ABCC3: variants seen among roughly 807,000 people sequenced by gnomAD.
The protein encoded by ABCC3 is ATP-binding cassette sub-family C member 3.
A neutral mutation model predicts 165.3 loss-of-function variants in ABCC3; 121 were observed. That is an observed-to-expected ratio of 0.73 (90% CI 0.63 to 0.85). The LOEUF (loss-of-function observed/expected upper bound fraction) is 0.85, where lower values mean the gene tolerates loss of function less well. Among genes scored for constraint, ABCC3 ranks in the 40% least tolerant of loss-of-function variants. The pLI is 0.00. For missense variants in ABCC3, 1,869 were observed against 1,964.1 expected, an observed-to-expected ratio of 0.95 and a Z score of 0.92; for synonymous variants, 733 against 810.1, an observed-to-expected ratio of 0.90 and a Z score of 1.62.
intron 1 of ABCC3, among the ~76,000 whole-genome samples, chr17:50,652,045 C>A (rs1171209958): frequency 1.3e-5 from 2 of 152,170 alleles, no homozygotes; most frequent in Non-Finnish European, 2.9e-5. Context: ...GTCAGATGAG[C>A]TGCAAAAGTA....
Position 50,655,404 on chromosome 17 carries a change from C to CAAAAAAA in ABCC3, c.46-417_46-411dup, listed in dbSNP as rs58586394. ...CTGGCAACAGAGTGAGACTCTGTCTCAAAAAAAAAAAAAAAAACAAAAACA... is the reference window on the plus strand; with the variant it reads ...CTGGCAACAGAGTGAGACTCTGTCTCAAAAAAAAAAAAAAAAAAAAAAAACAAAAACA... On this transcript the variant is annotated intron_variant, in intron 1 of 30. Coordinates refer to ENST00000285238, the MANE Select transcript of ABCC3 (RefSeq NM_003786.4). Among the ~76,000 whole-genome samples, 47 of 56,470 alleles carry CAAAAAAA rather than the reference C, an allele frequency of 8.3e-4. 1 individual carries two copies. Among genetic ancestry groups the CAAAAAAA allele is most frequent in the South Asian group, 2.6e-3 (3 of 1,166 alleles). 37.0% of individuals were successfully genotyped at this position (56,470 alleles called of 152,430 possible). A position where few individuals can be genotyped will look rare whatever the true frequency, so the allele number is the denominator to read the frequency against.
At position 50,658,212 on chromosome 17, in the gene ABCC3, G is replaced by A; in HGVS notation, c.612+5G>A. 6.2e-7 allele frequency: 1 copy of A among 1,614,200 alleles called. No homozygotes were observed. The highest frequency in any genetic ancestry group is 8.5e-7 in the Non-Finnish European group (1 of 1,180,028). On this transcript the variant is annotated splice_donor_5th_base_variant and intron_variant, in intron 5 of 30. Transcript: ENST00000285238. ...TCCGCAAAGAATGTCGACCCTGTGAGTTTCCCATGGAGGGTGCGGGGGCTC... is the reference window on the plus strand; with the variant it reads ...TCCGCAAAGAATGTCGACCCTGTGAATTTCCCATGGAGGGTGCGGGGGCTC...
chr17:50,683,993 C>T lies in ABCC3; in HGVS notation c.3999C>T (p.Thr1333=). ...CTGGGGCTGGCAAGTCTTCCATGAC[C>T]CTTTGCCTGTTCCGCATCCTGGAGG... is the stretch of plus-strand genomic sequence containing the variant. ...GRTGAGKSSM[T]LCLFRILEAA... The change falls in exon 28 of 31, where the codon ACC becomes ACT. Residue 1333 remains threonine, a synonymous_variant. Transcript: ENST00000285238. 2.5e-6 allele frequency: 4 copies of T among 1,613,602 alleles called. No homozygotes were observed. Among genetic ancestry groups the T allele is most frequent in the Non-Finnish European group, 3.4e-6 (4 of 1,179,792 alleles).
chr17:50,656,855 T>C, intron 3 of ABCC3, 28 bp downstream of exon 3: 1 of 1,588,512 alleles, frequency 6.3e-7, no homozygotes, highest in Non-Finnish European at 8.5e-7. Context: ...GGAAAGTGGA[T>C]GGGGGAGGTC....
At chr17:50,643,922 G>A (rs893703500) in intron 1 of ABCC3, among the ~76,000 whole-genome samples, 18 of 152,242 alleles carry the variant, frequency 1.2e-4, no homozygotes, top group African/African-American at 4.3e-4. Flanking sequence ...AGGTTTGTGG[G>A]CATGAGGCAA....
intron 1 of ABCC3, among the ~76,000 whole-genome samples, chr17:50,653,354 A>G (rs1967151676): frequency 6.6e-6 from 1 of 151,484 alleles, no homozygotes. Context: ...CAAAAAAAAA[A>G]AAAAAAAAAG....
intron 26 of ABCC3, among the ~76,000 whole-genome samples, chr17:50,683,310 G>T (rs781250562): frequency 8.6e-5 from 13 of 150,570 alleles, no homozygotes; most frequent in Non-Finnish European, 1.6e-4. Context: ...GGAGTTCAAG[G>T]CTGCAATGAG....
chr17:50,664,191 G>C, intron 10 of ABCC3, 80 bp downstream of exon 10: 1 of 1,560,754 alleles, frequency 6.4e-7, no homozygotes, highest in Non-Finnish European at 8.7e-7. Flanking sequence ...CTGGAACTGG[G>C]AGCATGGCAC....
intron 1 of ABCC3, among the ~76,000 whole-genome samples, chr17:50,636,772 C>A (rs2146582018): frequency 6.6e-6 from 1 of 152,338 alleles, no homozygotes; most frequent in South Asian, 2.1e-4. Context: ...ATTCAGGACT[C>A]CCTTTTTGTC....
chr17:50,673,186 G>C (rs771177614), intron 18 of ABCC3, 48 bp downstream of exon 18: 48 of 1,603,592 alleles, frequency 3.0e-5, no homozygotes, highest in Non-Finnish European at 4.0e-5. Flanking sequence ...TCTGAGGCCC[G>C]AAGAGAGAGC....
Position 50,655,901 on chromosome 17 carries a change from T to C in ABCC3, c.115T>C (p.Trp39Arg). The change falls in exon 2 of 31, where the codon TGG becomes CGG. Residue 39 changes from tryptophan to arginine, a missense_variant. Transcript: ENST00000285238. ...TPCFQNSLLA[W>R]VPCIYLWVAL... ...CTGCTTCCAGAACTCCCTGCTGGCCTGGGTGCCCTGCATCTACCTGTGGGT... is the reference window on the plus strand; with the variant it reads ...CTGCTTCCAGAACTCCCTGCTGGCCCGGGTGCCCTGCATCTACCTGTGGGT... 1.2e-6 allele frequency: 2 copies of C among 1,614,022 alleles called. No homozygotes were observed. The highest frequency in any genetic ancestry group is 1.7e-6 in the Non-Finnish European group (2 of 1,179,948).
chr17:50,683,879 A>G, intron 27 of ABCC3, 70 bp from the exon 28 acceptor site: 1 of 1,576,856 alleles, frequency 6.3e-7, no homozygotes, highest in South Asian at 1.1e-5. Context: ...TTCGGCCTCC[A>G]GGAGAGTCCT....
chr17:50,638,435 G>A (rs1174746227), intron 1 of ABCC3, among the ~76,000 whole-genome samples: 1 of 152,190 alleles, frequency 6.6e-6, no homozygotes, highest in Non-Finnish European at 1.5e-5. Context: ...TCACTGGGGG[G>A]TATGTAAGGA....
intron 1 of ABCC3, chr17:50,635,208 G>T (rs2054167600): frequency 3.2e-6 from 2 of 621,726 alleles, no homozygotes; most frequent in Non-Finnish European, 5.6e-6. Flanking sequence ...GCCCTTCCCG[G>T]CTGCAGCACT....
chr17:50,644,685 C>T (rs913810097), intron 1 of ABCC3, among the ~76,000 whole-genome samples: 1 of 151,986 alleles, frequency 6.6e-6, no homozygotes, highest in Non-Finnish European at 1.5e-5. Context: ...GCACTCCAGC[C>T]GAGGTGACAG....
intron 11 of ABCC3, among the ~76,000 whole-genome samples, chr17:50,666,992 G>A (rs1967538886): frequency 6.6e-6 from 1 of 152,098 alleles, no homozygotes; most frequent in Admixed American, 6.5e-5. Flanking sequence ...GGCCAAGGTG[G>A]GAGGATCACA....
At position 50,656,709 on chromosome 17, in the gene ABCC3, G is replaced by T. The variant is rs142468792; in HGVS notation, c.230G>T (p.Gly77Val). Residue 77 changes from glycine to valine, a missense_variant, in exon 3 of 31, where the codon GGT (glycine) becomes GTT (valine). Transcript: ENST00000285238. The stretch of plus-strand genomic sequence containing the variant: ...CCTGTGCTCTCTTCGCAGGTCCTGG[G>T]TGTCCTGCTGTGGTGCGTCTCCTGG... The part of the protein sequence containing the change: ...SHLSKLKMVL[G>V]VLLWCVSWAD... 2 of 1,612,762 alleles carry T rather than the reference G, an allele frequency of 1.2e-6. No individual in the cohort carries two copies. Among genetic ancestry groups the T allele is most frequent in the South Asian group, 2.2e-5 (2 of 90,858 alleles).
intron 26 of ABCC3, among the ~76,000 whole-genome samples, chr17:50,680,177 T>A (rs1357084009): frequency 2.0e-5 from 3 of 152,092 alleles, no homozygotes; most frequent in African/African-American, 7.2e-5. Flanking sequence ...ATCTCTGGCG[T>A]GGTGCACCTG....
Position 50,691,361 on chromosome 17 carries a change from G to C in ABCC3, c.*161G>C. ...CAGGGTAACTGTGCTGAATGCTTTA[G>C]ATGAGGAAATGATCCCCAAGTGGTG... On this transcript the variant is annotated 3_prime_UTR_variant, in exon 31 of 31. Coordinates refer to ENST00000285238, the MANE Select transcript of ABCC3 (RefSeq NM_003786.4). 1.7e-6 allele frequency: 1 copy of C among 591,128 alleles called. No homozygotes were observed. Among genetic ancestry groups the C allele is most frequent in the Non-Finnish European group, 3.1e-6 (1 of 325,106 alleles). The allele number at this position is 591,128 out of a possible 1,614,324, so 36.6% of individuals were successfully genotyped here. A position where few individuals can be genotyped will look rare whatever the true frequency, so the allele number is the denominator to read the frequency against.
Sources: gnomAD v4.1 joint callset for allele counts (sites outside exome capture counted in the v4.1 genomes callset) on GRCh38, gnomAD v4.1.1 for gene constraint, MANE v1.5 for transcripts, NCBI Gene and HGNC (gene_info 2026-07-23, HGNC 2026-07-21) for gene names.